Variants in KIAA1217 observed in about 807,000 individuals in gnomAD.
The protein encoded by KIAA1217 is KIAA1217.
Under a neutral mutation model 163.9 loss-of-function variants are expected in KIAA1217, and 88 were observed. The ratio of observed to expected loss-of-function variants is 0.54; its 90% CI spans 0.45 to 0.64. The LOEUF is 0.64. Ranked by LOEUF, KIAA1217 falls within the 30% of genes least tolerant of loss-of-function variation. KIAA1217 has a pLI of 0.00. For synonymous variants in KIAA1217, 903 were observed against 923.1 expected, an observed-to-expected ratio of 0.98 and a Z score of 0.39; for missense variants, 2,372 against 2,475.0, an observed-to-expected ratio of 0.96 and a Z score of 0.88.
At chr10:23,754,214 T>A (rs1453962294) in intron 1 of KIAA1217, among the ~76,000 whole-genome samples, 1 of 152,122 alleles carries the variant, frequency 6.6e-6, no homozygotes, top group Non-Finnish European at 1.5e-5. Flanking sequence ...AATGTATGAA[T>A]AACACGGGGA....
chr10:23,854,594 G>T (rs181078247), intron 1 of KIAA1217, among the ~76,000 whole-genome samples: 1 of 152,288 alleles, frequency 6.6e-6, no homozygotes, highest in East Asian at 1.9e-4. Context: ...TCGTTGATCT[G>T]TCTAATTTTG....
intron 2 of KIAA1217, among the ~76,000 whole-genome samples, chr10:24,318,556 C>T (rs1049006165): frequency 6.6e-6 from 1 of 152,156 alleles, no homozygotes; most frequent in East Asian, 1.9e-4. Context: ...TCATCACTCT[C>T]TCTCTTTCTG....
chr10:24,279,316 G>A (rs1219734678), intron 2 of KIAA1217, among the ~76,000 whole-genome samples: 2 of 150,246 alleles, frequency 1.3e-5, no homozygotes, highest in Non-Finnish European at 3.0e-5. Flanking sequence ...AGGCTATTGT[G>A]TCCTTTGCAT....
intron 1 of KIAA1217, among the ~76,000 whole-genome samples, chr10:24,212,548 A>T (rs2068273836): frequency 6.6e-6 from 1 of 152,240 alleles, no homozygotes; most frequent in Non-Finnish European, 1.5e-5. Context: ...GGCTGGAAAA[A>T]ATAGCAAAAG....
chr10:24,249,642 C>A (rs2074250816), intron 2 of KIAA1217, among the ~76,000 whole-genome samples: 1 of 152,196 alleles, frequency 6.6e-6, no homozygotes, highest in African/African-American at 2.4e-5. Flanking sequence ...CCCATATACA[C>A]TTAAATCACT....
intron 5 of KIAA1217, among the ~76,000 whole-genome samples, chr10:24,462,138 AG>A (rs1426475600): frequency 2.0e-5 from 3 of 151,686 alleles, no homozygotes; most frequent in African/African-American, 7.2e-5. Context: ...TAATATCGAT[AG>A]GTATATATAA....
chr10:24,143,824 A>AC (rs922714431), intron 2 of KIAA1217, among the ~76,000 whole-genome samples: 2 of 150,662 alleles, frequency 1.3e-5, no homozygotes, highest in African/African-American at 5.0e-5. Context: ...TAAAAAAAAA[A>AC]AAAACAAAAA....
At chr10:24,265,389 G>A (rs1187257654) in intron 2 of KIAA1217, among the ~76,000 whole-genome samples, 2 of 152,196 alleles carry the variant, frequency 1.3e-5, no homozygotes, top group Non-Finnish European at 2.9e-5. Context: ...ACAACACTGT[G>A]ACTTTCATCC....
rs150243623 is a variant in KIAA1217, at chr10:24,137,805, T to G, written c.-170-81821T>G. Among the ~76,000 whole-genome samples the G allele has an allele frequency of 2.0e-3, 305 of 152,340 alleles. 1 individual carries two copies. Among genetic ancestry groups the G allele is most frequent in the African/African-American group, 7.1e-3 (297 of 41,586 alleles). On this transcript the variant is annotated intron_variant, in intron 2 of 18. Transcript: ENST00000376462. ...TCTGTTTATTCCCTTATTAAGCTGA[T>G]GTCATGACATCTTAGTAAAAACACT...
At chr10:23,882,372 C>T (rs1010044840) in intron 1 of KIAA1217, among the ~76,000 whole-genome samples, 8 of 151,864 alleles carry the variant, frequency 5.3e-5, no homozygotes. Context: ...CTAGAAGGGA[C>T]TGCATAGACA....
At position 24,245,993 on chromosome 10, in the gene KIAA1217, G is replaced by A. The variant is rs778551667; in HGVS notation, c.354+26084G>A. 3.3e-5 allele frequency among the ~76,000 whole-genome samples: 5 copies of A among 152,116 alleles called. No homozygotes were observed. In the South Asian group the frequency reaches 8.3e-4, roughly 25 times the overall value. ...TAAGGTAAATGTGCTGCAGATAATC[G>A]TTTGGCCTGTGTTTTGGAGGGACCT... On this transcript the variant is annotated intron_variant, in intron 2 of 20. Transcript: ENST00000376454.
At chr10:23,973,187 G>T (rs560215881) in intron 1 of KIAA1217, among the ~76,000 whole-genome samples, 3 of 151,544 alleles carry the variant, frequency 2.0e-5, no homozygotes, top group African/African-American at 7.3e-5. Flanking sequence ...GTTTTTTTCC[G>T]CATCCTTGTT....
chr10:24,389,283 C>T (rs1296919274), intron 3 of KIAA1217, among the ~76,000 whole-genome samples: 1 of 152,026 alleles, frequency 6.6e-6, no homozygotes, highest in Admixed American at 6.6e-5. Flanking sequence ...CCATCATTCT[C>T]AGCAAACTAT....
intron 1 of KIAA1217, among the ~76,000 whole-genome samples, chr10:23,808,457 A>G (rs1382139472): frequency 1.3e-5 from 2 of 152,236 alleles, no homozygotes; most frequent in African/African-American, 2.4e-5. Context: ...ACATGTTTTT[A>G]TAAGCGTATT....
At chr10:24,024,074 C>T (rs1025252104) in intron 2 of KIAA1217, among the ~76,000 whole-genome samples, 1 of 151,088 alleles carries the variant, frequency 6.6e-6, no homozygotes, top group African/African-American at 2.4e-5. Flanking sequence ...AAATCAACCT[C>T]AATTTATTGT....
At chr10:24,444,802 C>T (rs140190518) in intron 5 of KIAA1217, among the ~76,000 whole-genome samples, 9 of 152,256 alleles carry the variant, frequency 5.9e-5, no homozygotes, top group Middle Eastern at 3.4e-3. Context: ...TGTTGCTACT[C>T]TAAAGCTTAG....
Position 24,322,980 on chromosome 10 carries a change from A to C in KIAA1217, c.355-57889A>C, listed in dbSNP as rs1200787756. Among the ~76,000 whole-genome samples, 6 of 152,280 alleles carry C rather than the reference A, an allele frequency of 3.9e-5. No individual in the cohort carries two copies. The East Asian group carries it at 1.2e-3, about 29-fold the overall frequency. The stretch of plus-strand genomic sequence containing the variant: ...TTTTTTATAGACAAAGTCTCACTCT[A>C]CTGGCTACCGGCTAGGCTAGAGTGC... On this transcript the variant is annotated intron_variant, in intron 2 of 20. Coordinates refer to ENST00000376454, the MANE Select transcript of KIAA1217 (RefSeq NM_019590.5).
intron 2 of KIAA1217, among the ~76,000 whole-genome samples, chr10:24,342,416 A>G (rs1384408576): frequency 6.6e-6 from 1 of 152,198 alleles, no homozygotes; most frequent in African/African-American, 2.4e-5. Context: ...ACACAATCAC[A>G]AAGTTAAAAG....
chr10:24,355,959 G>A (rs994788322), intron 2 of KIAA1217, among the ~76,000 whole-genome samples: 6 of 151,296 alleles, frequency 4.0e-5, no homozygotes, highest in African/African-American at 1.5e-4. Context: ...ATATTGGTCA[G>A]GCTGGTCTCA....
Sources: gnomAD v4.1 joint callset for allele counts (sites outside exome capture counted in the v4.1 genomes callset) on GRCh38, gnomAD v4.1.1 for gene constraint, MANE v1.5 for transcripts, NCBI Gene and HGNC (gene_info 2026-07-23, HGNC 2026-07-21) for gene names.